The following TMC1 variants were observed in gnomAD, a reference collection of about 807,000 sequenced individuals.
TMC1 encodes transmembrane channel like 1.
TMC1 carries 84 observed loss-of-function variants against 105.8 expected under a neutral mutation model. The ratio of observed to expected loss-of-function variants is 0.79; its 90% CI spans 0.67 to 0.95. The LOEUF is 0.95. Ranked by LOEUF, TMC1 falls within the 40% of genes least tolerant of loss-of-function variation. The probability of loss-of-function intolerance (pLI) is 0.00; values close to 1 mark genes in which losing one functional copy is unlikely to be tolerated. For synonymous variants in TMC1, 315 were observed against 311.5 expected, an observed-to-expected ratio of 1.01 and a Z score of -0.12; for missense variants, 817 against 914.1, an observed-to-expected ratio of 0.89 and a Z score of 1.37.
intron 1 of TMC1, among the ~76,000 whole-genome samples, 166 bp downstream of exon 1, chr9:72,522,079 A>G (rs1352857169): frequency 2.0e-5 from 3 of 152,042 alleles, no homozygotes; most frequent in African/African-American, 7.2e-5. Context: ...AATCTCCCCC[A>G]GTTAGGATAG....
chr9:72,773,035 C>T (rs1340802587), intron 13 of TMC1, among the ~76,000 whole-genome samples: 1 of 152,002 alleles, frequency 6.6e-6, no homozygotes, highest in Non-Finnish European at 1.5e-5. Flanking sequence ...TGAATGGTCC[C>T]CAATGAAACC....
At chr9:72,702,141 G>A (rs1361293249) in intron 8 of TMC1, among the ~76,000 whole-genome samples, 2 of 152,114 alleles carry the variant, frequency 1.3e-5, no homozygotes, top group Non-Finnish European at 2.9e-5. Flanking sequence ...AAATATTAAT[G>A]ACCCATAAAG....
chr9:72,572,315 G>A (rs1824302296), intron 1 of TMC1, among the ~76,000 whole-genome samples: 1 of 151,804 alleles, frequency 6.6e-6, no homozygotes. Flanking sequence ...TCCTGCCTTG[G>A]CCTCCTGAGT....
intron 15 of TMC1, among the ~76,000 whole-genome samples, chr9:72,789,691 C>T (rs977605286): frequency 3.3e-5 from 5 of 152,188 alleles, no homozygotes; most frequent in Non-Finnish European, 7.3e-5. Flanking sequence ...GTCCAAGGCT[C>T]TTGCTGCTTT....
chr9:72,604,581 C>T (rs117760715), intron 2 of TMC1, among the ~76,000 whole-genome samples: 6,455 of 152,174 alleles, frequency 0.042, 204 homozygotes, highest in Middle Eastern at 0.095. Context: ...ATTTTTCTTG[C>T]TTATTGCTGT....
chr9:72,540,268 T>C (rs1223600373), intron 1 of TMC1, among the ~76,000 whole-genome samples: 1 of 152,186 alleles, frequency 6.6e-6, no homozygotes, highest in Non-Finnish European at 1.5e-5. Context: ...TTGTTCTTTA[T>C]CCCAGGAAAT....
At chr9:72,731,336 C>T (rs1588054255) in intron 8 of TMC1, among the ~76,000 whole-genome samples, 1 of 152,270 alleles carries the variant, frequency 6.6e-6, no homozygotes, top group Admixed American at 6.5e-5. Flanking sequence ...TTAAGTCACA[C>T]TACCTAGGGG....
intron 5 of TMC1, among the ~76,000 whole-genome samples, chr9:72,650,550 G>A (rs925326784): frequency 6.6e-6 from 1 of 151,738 alleles, no homozygotes; most frequent in Non-Finnish European, 1.5e-5. Flanking sequence ...TTGTTACATA[G>A]GTAAACATGT....
chr9:72,562,417 C>T (rs897002170), intron 1 of TMC1, among the ~76,000 whole-genome samples: 17 of 152,276 alleles, frequency 1.1e-4, no homozygotes, highest in African/African-American at 3.9e-4. Context: ...ACATATTTAG[C>T]AGTACACCTT....
intron 8 of TMC1, among the ~76,000 whole-genome samples, chr9:72,717,969 T>C (rs1333286012): frequency 6.6e-6 from 1 of 152,116 alleles, no homozygotes; most frequent in Non-Finnish European, 1.5e-5. Context: ...CCAAACTTCT[T>C]GGAGGCTTTA....
intron 8 of TMC1, among the ~76,000 whole-genome samples, chr9:72,713,626 T>C (rs917146727): frequency 6.6e-6 from 1 of 152,168 alleles, no homozygotes; most frequent in Non-Finnish European, 1.5e-5. Context: ...ATATACCCTT[T>C]ATCATTTTTT....
intron 17 of TMC1, 106 bp from the exon 18 acceptor site, chr9:72,805,276 C>A: frequency 2.6e-6 from 3 of 1,156,406 alleles, no homozygotes; most frequent in Non-Finnish European, 3.8e-6. Context: ...CCATTAATTG[C>A]AGTCTTCAAG....
At position 72,751,905 on chromosome 9, in the gene TMC1, A is replaced by G; in HGVS notation, c.591A>G (p.Gly197=). 6.2e-7 allele frequency: 1 copy of G among 1,613,628 alleles called. No individual in the cohort carries two copies. The highest frequency in any genetic ancestry group is 8.5e-7 in the Non-Finnish European group (1 of 1,179,706). The change falls in exon 11 of 24, where the codon GGA becomes GGG. Residue 197 remains glycine (G), a synonymous_variant. Coordinates refer to ENST00000297784, the MANE Select transcript of TMC1 (RefSeq NM_138691.3). ...SYFLFLRWMY[G]VNMVLFILTF... ...TCCTCTTCTTGAGATGGATGTATGG[A>G]GTCAATATGGTTCTCTTTATCCTGA...
At chr9:72,564,411 G>A (rs146653015) in intron 1 of TMC1, among the ~76,000 whole-genome samples, 1 of 152,246 alleles carries the variant, frequency 6.6e-6, no homozygotes, top group Non-Finnish European at 1.5e-5. Flanking sequence ...AGTAGATTCT[G>A]CCAAGTGTTT....
intron 1 of TMC1, among the ~76,000 whole-genome samples, chr9:72,575,013 G>A (rs1304565277): frequency 1.3e-5 from 2 of 152,062 alleles, no homozygotes; most frequent in Non-Finnish European, 2.9e-5. Context: ...GCCAACTGTC[G>A]TGAGGCCCCA....
At chr9:72,786,884 G>T (rs1212874422) in intron 13 of TMC1, among the ~76,000 whole-genome samples, 1 of 152,098 alleles carries the variant, frequency 6.6e-6, no homozygotes, top group Non-Finnish European at 1.5e-5. Context: ...TCTGCCAAGT[G>T]GCCATTTTTA....
chr9:72,725,006 C>T (rs1827089656), intron 8 of TMC1, among the ~76,000 whole-genome samples: 1 of 151,852 alleles, frequency 6.6e-6, no homozygotes, highest in Non-Finnish European at 1.5e-5. Flanking sequence ...TAAGATTAAT[C>T]AGAGAAATGT....
chr9:72,612,723 C>G (rs1426422546), intron 2 of TMC1, among the ~76,000 whole-genome samples: 2 of 152,186 alleles, frequency 1.3e-5, no homozygotes, highest in African/African-American at 4.8e-5. Flanking sequence ...TCCATCTACT[C>G]TATGAGAGTG....
rs1050974725 is a variant in TMC1 at position 72,838,240 on chromosome 9, G to T, written c.*2267G>T. The T allele has an allele frequency of 1.3e-5, 2 of 152,190 alleles. No individual in the cohort carries two copies. The highest frequency in any genetic ancestry group is 4.8e-5 in the African/African-American group (2 of 41,450). 9.4% of individuals were successfully genotyped at this position (152,190 alleles called of 1,614,324 possible). A position where few individuals can be genotyped will look rare whatever the true frequency, so the allele number is the denominator to read the frequency against. ...TATCTGTTGATAGGCTGAGTTTATT[G>T]TTTAATTAGATTATAATGCAGATGA... On this transcript the variant is annotated 3_prime_UTR_variant, in exon 24 of 24. Transcript: ENST00000297784.
Sources: gnomAD v4.1 joint callset for allele counts (sites outside exome capture counted in the v4.1 genomes callset) on GRCh38, gnomAD v4.1.1 for gene constraint, MANE v1.5 for transcripts, NCBI Gene and HGNC (gene_info 2026-07-23, HGNC 2026-07-21) for gene names.